SETBP1: variants seen among roughly 807,000 people sequenced by gnomAD.
SETBP1 encodes SET binding protein 1, also known as SET-binding protein.
In SETBP1, 9 loss-of-function variants were observed where a neutral mutation model predicts 101.0. The observed-to-expected ratio is 0.09, with a 90% confidence interval of 0.05 to 0.16. SETBP1 has a LOEUF of 0.16. Ranked by LOEUF, SETBP1 falls within the 10% of genes least tolerant of loss-of-function variation. The pLI, the probability that SETBP1 is intolerant of heterozygous loss-of-function variation, is 1.00. For synonymous variants in SETBP1, 818 were observed against 788.5 expected (o/e 1.04, Z -0.63); for missense variants, 1,858 against 2,033.8 (o/e 0.91, Z 1.66).
Position 44,950,617 on chromosome 18 carries a change from C to T in SETBP1, c.1277C>T (p.Ala426Val), listed in dbSNP as rs187433533. The T allele has an allele frequency of 2.0e-5, 32 of 1,614,060 alleles. No homozygotes were observed. The East Asian group carries it at 2.7e-4, about 13-fold the overall frequency. The change falls in exon 4 of 6, where the codon GCG becomes GTG. Residue 426 changes from alanine (A) to valine (V), a missense_variant. Around this residue, in one of 12 missense-constraint regions of SETBP1, gnomAD observed 581 missense variants for 535.1 expected, o/e 1.09. Coordinates refer to ENST00000649279, the MANE Select transcript of SETBP1 (RefSeq NM_015559.3). ...HKRKKRQSIK[A>V]VVEKIMPEKA... ...AGGAAAAAAAGACAGTCCATTAAAG[C>T]GGTGGTGGAAAAGATCATGCCAGAG...
At chr18:44,960,122 C>A (rs1599379951) in intron 4 of SETBP1, among the ~76,000 whole-genome samples, 3 of 152,096 alleles carry the variant, frequency 2.0e-5, no homozygotes, top group Non-Finnish European at 4.4e-5. Flanking sequence ...GTCTTGAACT[C>A]CTGACCTCAA....
At chr18:44,754,228 A>T (rs2144551451) in intron 2 of SETBP1, among the ~76,000 whole-genome samples, 1 of 152,316 alleles carries the variant, frequency 6.6e-6, no homozygotes, top group East Asian at 1.9e-4. Flanking sequence ...TACTCTCTTT[A>T]TGCATGTCAT....
At chr18:44,937,851 C>T (rs946556109) in intron 3 of SETBP1, among the ~76,000 whole-genome samples, 1 of 152,208 alleles carries the variant, frequency 6.6e-6, no homozygotes, top group African/African-American at 2.4e-5. Flanking sequence ...TTTGGTCTGG[C>T]TCTTTCCTCT....
At chr18:44,713,339 G>C (rs1054702325) in intron 2 of SETBP1, among the ~76,000 whole-genome samples, 9 of 150,166 alleles carry the variant, frequency 6.0e-5, no homozygotes, top group African/African-American at 1.2e-4. Flanking sequence ...AGGCCTTCAC[G>C]GGGGGGGACG....
At chr18:44,983,935 G>A (rs939075903) in intron 4 of SETBP1, among the ~76,000 whole-genome samples, 3 of 152,226 alleles carry the variant, frequency 2.0e-5, no homozygotes, top group Admixed American at 1.3e-4. Flanking sequence ...CAGGTGCAGT[G>A]GCTCATGCCT....
chr18:44,969,234 G>A (rs1010212458), intron 4 of SETBP1, among the ~76,000 whole-genome samples: 1 of 152,294 alleles, frequency 6.6e-6, no homozygotes, highest in Admixed American at 6.5e-5. Flanking sequence ...GAAAGCTGCA[G>A]TTTTTCTAAT....
rs766275285 is a variant in SETBP1, at chr18:44,950,841, C to T, written c.1501C>T (p.Pro501Ser). Residue 501 changes from proline to serine, a missense_variant, in exon 4 of 6, where the codon CCC becomes TCC. Transcript: ENST00000649279. ...PGGVSKPRKPPMVMTPPTCTD... is the reference protein window; with the variant it reads ...PGGVSKPRKPSMVMTPPTCTD... The stretch of plus-strand genomic sequence containing the variant: ...AGGTGTGTCTAAGCCGCGGAAGCCA[C>T]CCATGGTCATGACACCTCCAACGTG... 2 of 1,614,142 alleles carry T rather than the reference C, an allele frequency of 1.2e-6. No homozygotes were observed. The highest frequency in any genetic ancestry group is 1.7e-6 in the Non-Finnish European group (2 of 1,180,022).
At chr18:44,910,901 A>G (rs1207162299) in intron 3 of SETBP1, among the ~76,000 whole-genome samples, 11 of 151,628 alleles carry the variant, frequency 7.3e-5, no homozygotes, top group African/African-American at 2.7e-4. Context: ...CTTTTCATCC[A>G]CCCTACATTA....
chr18:44,962,770 A>T (rs2071638875), intron 4 of SETBP1, among the ~76,000 whole-genome samples: 2 of 152,234 alleles, frequency 1.3e-5, no homozygotes, highest in African/African-American at 2.4e-5. Flanking sequence ...TCAACAGAGT[A>T]GAGCAGGCAA....
intron 2 of SETBP1, among the ~76,000 whole-genome samples, chr18:44,740,023 C>T (rs999585247): frequency 2.6e-5 from 4 of 152,182 alleles, no homozygotes; most frequent in African/African-American, 4.8e-5. Flanking sequence ...AGAGTTGTCA[C>T]GGTTCCCCTC....
rs1457032078 is a variant in SETBP1, at chr18:44,950,055, C to G, written c.715C>G (p.Pro239Ala). The G allele has an allele frequency of 1.2e-6, 2 of 1,614,224 alleles. No homozygotes were observed. The highest frequency in any genetic ancestry group is 2.7e-5 in the African/African-American group (2 of 75,070). ...CGTCACTCAGAATTGCTTCATCAGT[C>G]CAGAGTCTGGCAGAGAAACTGCAAG... Reference protein sequence around the residue: ...GPVTQNCFISPESGRETASTS... With the variant: ...GPVTQNCFISAESGRETASTS... Residue 239 changes from proline (P) to alanine (A), a missense_variant, in exon 4 of 6, where the codon CCA becomes GCA. Pro to Ala is a conservative substitution (Grantham distance 27). Transcript: ENST00000649279.
chr18:44,757,171 G>A (rs2070515818), intron 2 of SETBP1, among the ~76,000 whole-genome samples: 1 of 152,154 alleles, frequency 6.6e-6, no homozygotes, highest in African/African-American at 2.4e-5. Flanking sequence ...GGGCAGTGGG[G>A]AAGGTTGGAG....
intron 2 of SETBP1, among the ~76,000 whole-genome samples, chr18:44,858,662 C>T (rs933151152): frequency 2.0e-5 from 3 of 152,070 alleles, no homozygotes; most frequent in African/African-American, 7.3e-5. Flanking sequence ...AGATAGTTGT[C>T]TTCCTTGAAG....
intron 2 of SETBP1, among the ~76,000 whole-genome samples, chr18:44,724,880 TG>T (rs2069672862): frequency 6.6e-6 from 1 of 151,836 alleles, no homozygotes; most frequent in Non-Finnish European, 1.5e-5. Context: ...TGAGTGGGGG[TG>T]GGGCTGGAAG....
intron 2 of SETBP1, among the ~76,000 whole-genome samples, chr18:44,735,731 C>T (rs1168290446): frequency 6.6e-6 from 1 of 152,184 alleles, no homozygotes; most frequent in Non-Finnish European, 1.5e-5. Flanking sequence ...GATGCATTCC[C>T]CTTCCTGTCT....
At position 44,703,348 on chromosome 18, in the gene SETBP1, G is replaced by GTTTTTTTTTTTTTTTTTTTTTTTTTT. The variant is rs531974601; in HGVS notation, c.486+1537_486+1562dup. ...TCCATAGCATTTCTGTTACCATTAG[G>GTTTTTTTTTTTTTTTTTTTTTTTTTT]TTTTTTTTTTTTTTTTTTTTTTTTT... On this transcript the variant is annotated intron_variant, in intron 2 of 5. Coordinates refer to ENST00000649279, the MANE Select transcript of SETBP1 (RefSeq NM_015559.3). Among the ~76,000 whole-genome samples, 11 of 51,444 alleles carry GTTTTTTTTTTTTTTTTTTTTTTTTTT rather than the reference G, an allele frequency of 2.1e-4. 2 individuals carry two copies. The highest frequency in any genetic ancestry group is 3.3e-4 in the Non-Finnish European group (9 of 27,396). 33.7% of individuals were successfully genotyped at this position (51,444 alleles called of 152,430 possible).
chr18:44,940,499 T>A (rs1215432424), intron 3 of SETBP1, among the ~76,000 whole-genome samples: 3 of 152,174 alleles, frequency 2.0e-5, no homozygotes, highest in Non-Finnish European at 4.4e-5. Flanking sequence ...ATCCATATGT[T>A]TCCTTGTATT....
chr18:44,869,663 T>C, intron 3 of SETBP1: 1 of 322,172 alleles, frequency 3.1e-6, no homozygotes, highest in East Asian at 7.6e-5. Context: ...CGCATGTCTG[T>C]AATCTTTGCG....
At chr18:45,055,132 C>T (rs1281013277) in intron 5 of SETBP1, among the ~76,000 whole-genome samples, 30 of 152,220 alleles carry the variant, frequency 2.0e-4, no homozygotes, top group Non-Finnish European at 1.3e-4. Flanking sequence ...AAGGACAACA[C>T]ATGCTGTCTT....
Sources: gnomAD v4.1 joint callset for allele counts (sites outside exome capture counted in the v4.1 genomes callset) on GRCh38, gnomAD v4.1.1 for gene constraint, gnomAD v4.1.1 regional missense constraint, MANE v1.5 for transcripts, NCBI Gene and HGNC (gene_info 2026-07-23, HGNC 2026-07-21) for gene names.